Variants in HEXD observed in about 807,000 individuals in gnomAD.
HEXD encodes N-acetyl-beta-galactosaminidase.
In HEXD, 47 loss-of-function variants were observed where a neutral mutation model predicts 54.2. The ratio of observed to expected loss-of-function variants is 0.87; its 90% CI spans 0.69 to 1.11. The LOEUF (loss-of-function observed/expected upper bound fraction) is 1.11, where lower values mean the gene tolerates loss of function less well. HEXD is among the 50% of genes least tolerant of loss of function. The pLI is 0.00. For missense variants in HEXD, 576 were observed against 649.2 expected, an observed-to-expected ratio of 0.89 and a Z score of 1.23; for synonymous variants, 293 against 287.6, an observed-to-expected ratio of 1.02 and a Z score of -0.19.
chr17:82,427,709 T>C (rs548300923), intron 3 of HEXD, among the ~76,000 whole-genome samples: 1 of 152,382 alleles, frequency 6.6e-6, no homozygotes, highest in Middle Eastern at 3.4e-3. Context: ...AAAGACTTTA[T>C]GTAACTCATA....
At position 82,428,444 on chromosome 17, in the gene HEXD, CCTTA is replaced by C. The variant is rs1401290739; in HGVS notation, c.195-111_195-108del. The C allele has an allele frequency of 1.5e-5, 12 of 805,872 alleles. No individual in the cohort carries two copies. In the African/African-American group the frequency reaches 1.7e-4, roughly 11 times the overall value. The allele number at this position is 805,872 out of a possible 1,614,324, so 49.9% of individuals were successfully genotyped here. A position where few individuals can be genotyped will look rare whatever the true frequency, so the allele number is the denominator to read the frequency against. On this transcript the variant is annotated intron_variant, in intron 3 of 12. Transcript: ENST00000327949. The stretch of plus-strand genomic sequence containing the variant: ...CTGTCAAGCTTTGTGGAGTTTAGGG[CCTTA>C]CTGTTTCCCGGAGAGCCCCCCAGGG...
chr17:82,442,594 C>T lies in HEXD; in HGVS notation c.*210C>T. 1.9e-6 allele frequency: 3 copies of T among 1,567,428 alleles called. No individual in the cohort carries two copies. The highest frequency in any genetic ancestry group is 2.6e-6 in the Non-Finnish European group (3 of 1,148,530). ...AGCACAGGGAGACCCGCTTTGTGAT[C>T]TGCATGTGTGACACTGATTCTTTGG... is the stretch of plus-strand genomic sequence containing the variant. On this transcript the variant is annotated 3_prime_UTR_variant, in exon 13 of 13. Transcript: ENST00000327949. The surrounding 1 kb of genome is among the most constrained non-coding windows in gnomAD (Gnocchi z 6.8).
chr17:82,420,072 A>G (rs2053185764), intron 2 of HEXD, 189 bp downstream of exon 2: 6 of 374,098 alleles, frequency 1.6e-5, no homozygotes, highest in Admixed American at 9.2e-5. Context: ...AACAACCAGG[A>G]TGACAAAAGG....
At chr17:82,437,049 C>G in intron 7 of HEXD, 119 bp from the exon 8 acceptor site, 2 of 895,698 alleles carry the variant, frequency 2.2e-6, no homozygotes, top group Non-Finnish European at 3.5e-6. Context: ...CACTGAGACC[C>G]GGGCCTGGCT....
In HEXD at chr17:82,424,600, G is replaced by C. The variant is rs1437570983; in HGVS notation, c.194+97G>C. 3.9e-6 allele frequency: 3 copies of C among 778,932 alleles called. No individual in the cohort carries two copies. The African/African-American group carries it at 5.1e-5, about 13-fold the overall frequency. The allele number at this position is 778,932 out of a possible 1,614,324, so 48.3% of individuals were successfully genotyped here. A position where few individuals can be genotyped will look rare whatever the true frequency, so the allele number is the denominator to read the frequency against. On this transcript the variant is annotated intron_variant, in intron 3 of 12. Transcript: ENST00000327949. ...GAGCAGCAACCTGGAGGTGCGGGTG[G>C]CACAGTCAGGAACTGAACAGTGGTG...
Position 82,433,747 on chromosome 17 carries a change from G to A in HEXD, c.372G>A (p.Ala124=), listed in dbSNP as rs552127805. ...TLNPHEAESL[A]LVGAMIDQVL... is the part of the protein sequence containing the mutation. ...ACCCCCACGAGGCAGAGTCCCTGGC[G>A]CTGGTGGGCGCCATGATTGACCAGG... Residue 124 remains alanine (A), a synonymous_variant, in exon 5 of 13, where the codon GCG becomes GCA. Transcript: ENST00000327949. 64 of 1,613,210 alleles carry A rather than the reference G, an allele frequency of 4.0e-5. No individual in the cohort carries two copies. The Middle Eastern group carries it at 6.6e-4, about 17-fold the overall frequency.
In HEXD at chr17:82,436,654, G is replaced by A. The variant is rs4789777; in HGVS notation, c.632-13G>A. ...CAGGTGTCTCACCAACCTCACGTCC[G>A]CTCTGTCTGCAGCGTCCGGGGTGCC... On this transcript the variant is annotated splice_polypyrimidine_tract_variant and intron_variant, in intron 6 of 12. Coordinates refer to ENST00000327949, the MANE Select transcript of HEXD (RefSeq NM_001330542.2). The A allele has an allele frequency of 1.8e-3, 2,901 of 1,603,112 alleles. 20 individuals are homozygous for A. The highest frequency in any genetic ancestry group is 2.0e-3 in the Non-Finnish European group (2,400 of 1,176,310).
intron 9 of HEXD, chr17:82,440,734 C>T (rs2053913250): frequency 2.0e-6 from 1 of 511,752 alleles, no homozygotes; most frequent in African/African-American, 1.9e-5. Context: ...CACTTGCTGT[C>T]CGGGTGTTGC....
intron 8 of HEXD, 49 bp downstream of exon 8, chr17:82,437,412 GCCA>G (rs778124493): frequency 2.7e-6 from 4 of 1,468,136 alleles, no homozygotes; most frequent in Non-Finnish European, 1.8e-6. Context: ...AGCTCTGGTG[GCCA>G]CCACGTCGGC....
Position 82,418,373 on chromosome 17 carries a change from C to A in HEXD, c.-419C>A, listed in dbSNP as rs779875532. On this transcript the variant is annotated 5_prime_UTR_variant, in exon 1 of 13. Coordinates refer to ENST00000327949, the MANE Select transcript of HEXD (RefSeq NM_001330542.2). ...GTCCCGCCCACTCCATGGCCCTGTC[C>A]GCCGCCGCAGCGCGCGCCCTTCCCC... 4.2e-6 allele frequency: 6 copies of A among 1,418,568 alleles called. No homozygotes were observed. Among genetic ancestry groups the A allele is most frequent in the African/African-American group, 1.5e-5 (1 of 66,556 alleles). 87.9% of individuals were successfully genotyped at this position (1,418,568 alleles called of 1,614,324 possible).
At position 82,422,923 on chromosome 17, in the gene HEXD, G is replaced by A. The variant is rs193191605; in HGVS notation, c.85-1471G>A. Among the ~76,000 whole-genome samples, 33 of 152,220 alleles carry A rather than the reference G, an allele frequency of 2.2e-4. No homozygotes were observed. In the East Asian group the frequency reaches 6.2e-3, roughly 29 times the overall value. On this transcript the variant is annotated intron_variant, in intron 2 of 12. Coordinates refer to ENST00000327949, the MANE Select transcript of HEXD (RefSeq NM_001330542.2). The stretch of plus-strand genomic sequence containing the variant: ...AATACAAAAATTAGCCAGGCGTGGT[G>A]TCAGGTGCCTGTAATCTCAGCTACT...
At position 82,418,477 on chromosome 17, in the gene HEXD, A is replaced by T; in HGVS notation, c.-315A>T. The T allele has an allele frequency of 6.8e-7, 1 of 1,463,678 alleles. No individual in the cohort carries two copies. The highest frequency in any genetic ancestry group is 1.3e-5 in the South Asian group (1 of 77,346). The allele number at this position is 1,463,678 out of a possible 1,614,324, so 90.7% of individuals were successfully genotyped here. On this transcript the variant is annotated 5_prime_UTR_variant, in exon 1 of 13. Coordinates refer to ENST00000327949, the MANE Select transcript of HEXD (RefSeq NM_001330542.2). ...GCGCCTTGGTTGCGGCCCTCCGCTG[A>T]GGAGCCATCGGACCAGGCCGCCGCG...
intron 2 of HEXD, among the ~76,000 whole-genome samples, chr17:82,421,105 G>C (rs1328434185): frequency 1.3e-5 from 2 of 152,148 alleles, no homozygotes; most frequent in Admixed American, 1.3e-4. Flanking sequence ...AGTAAGTAAA[G>C]GTCTCCCATA....
At chr17:82,432,908 AT>A (rs2053620741) in intron 4 of HEXD, among the ~76,000 whole-genome samples, 1 of 148,636 alleles carries the variant, frequency 6.7e-6, no homozygotes, top group South Asian at 2.2e-4. Context: ...CTAAAACAAA[AT>A]ACAAAAATTA....
intron 1 of HEXD, among the ~76,000 whole-genome samples, chr17:82,419,459 A>C (rs776257638): frequency 6.6e-6 from 1 of 152,250 alleles, no homozygotes; most frequent in Non-Finnish European, 1.5e-5. Flanking sequence ...CTAGTTTAAC[A>C]AGGTCTTTAA....
At chr17:82,427,492 G>A (rs1313774920) in intron 3 of HEXD, among the ~76,000 whole-genome samples, 2 of 152,080 alleles carry the variant, frequency 1.3e-5, no homozygotes, top group East Asian at 3.9e-4. Context: ...AGTGATGAAC[G>A]GTGAGCCAGG....
At chr17:82,420,661 G>A (rs1227409188) in intron 2 of HEXD, among the ~76,000 whole-genome samples, 1 of 152,164 alleles carries the variant, frequency 6.6e-6, no homozygotes, top group Non-Finnish European at 1.5e-5. Flanking sequence ...TCCACCTCCC[G>A]GGTTCAAGCA....
At chr17:82,437,079 T>C in intron 7 of HEXD, 89 bp from the exon 8 acceptor site, 1 of 1,197,502 alleles carries the variant, frequency 8.4e-7, no homozygotes, top group East Asian at 2.4e-5. Context: ...GGCTCCCATG[T>C]TGGCTCTGGG....
chr17:82,439,875 G>T (rs1224788562), intron 9 of HEXD, 162 bp downstream of exon 9: 1 of 1,536,662 alleles, frequency 6.5e-7, no homozygotes, highest in Non-Finnish European at 8.7e-7. Context: ...CACCTGCCCT[G>T]AAGTCCACCC....
Sources: gnomAD v4.1 joint callset for allele counts (sites outside exome capture counted in the v4.1 genomes callset) on GRCh38, gnomAD v4.1.1 for gene constraint, Gnocchi (gnomAD v3.1) non-coding constraint, MANE v1.5 for transcripts, NCBI Gene and HGNC (gene_info 2026-07-23, HGNC 2026-07-21) for gene names.